NSMCE2: variants seen among roughly 807,000 people sequenced by gnomAD.
NSMCE2 encodes the protein E3 SUMO-protein ligase NSE2.
In NSMCE2, 24 loss-of-function variants were observed where a neutral mutation model predicts 23.8. The observed-to-expected ratio is 1.01, with a 90% CI of 0.73 to 1.42. The LOEUF (loss-of-function observed/expected upper bound fraction) is 1.42. Ranked by LOEUF, NSMCE2 falls within the 40% of genes most tolerant of loss-of-function variation. The probability of loss-of-function intolerance (pLI) is 0.00; values close to 1 mark genes in which losing one functional copy is unlikely to be tolerated. For synonymous variants in NSMCE2, 92 were observed against 94.1 expected, an observed-to-expected ratio of 0.98 and a Z score of 0.13; for missense variants, 284 against 296.5, an observed-to-expected ratio of 0.96 and a Z score of 0.31.
At chr8:125,191,653 G>A (rs915180286) in intron 5 of NSMCE2, among the ~76,000 whole-genome samples, 3 of 152,166 alleles carry the variant, frequency 2.0e-5, no homozygotes, top group Non-Finnish European at 4.4e-5. Flanking sequence ...AGAATACAGT[G>A]CCTAAGAATT....
At chr8:125,122,709 A>G (rs1030861767) in intron 3 of NSMCE2, among the ~76,000 whole-genome samples, 1 of 152,162 alleles carries the variant, frequency 6.6e-6, no homozygotes, top group African/African-American at 2.4e-5. Context: ...ACATTCGTCC[A>G]TCTAAACAGC....
intron 5 of NSMCE2, among the ~76,000 whole-genome samples, chr8:125,231,225 T>G (rs527761885): frequency 6.6e-6 from 1 of 152,174 alleles, no homozygotes; most frequent in Non-Finnish European, 1.5e-5. Flanking sequence ...AGCAGTAGGG[T>G]GACCTAATAC....
chr8:125,218,907 A>G (rs775115164), intron 5 of NSMCE2, among the ~76,000 whole-genome samples: 2 of 152,200 alleles, frequency 1.3e-5, no homozygotes, highest in African/African-American at 2.4e-5. Context: ...TTGGTGATTT[A>G]TCCCCTGTAA....
At chr8:125,152,580 T>G (rs1159134233) in intron 4 of NSMCE2, among the ~76,000 whole-genome samples, 2 of 152,220 alleles carry the variant, frequency 1.3e-5, no homozygotes, top group Non-Finnish European at 2.9e-5. Context: ...GCTTTGACCC[T>G]TACATTATGT....
rs117886682 is a variant in NSMCE2 at position 125,268,271 on chromosome 8, A to G, written c.418+86015A>G. Reference sequence around the variant, plus strand: ...AAAAAAGTATTTTTTGAGAAGGTCAACATTTGGTTAGTGAAATTAGAAAGG... The same window carrying G: ...AAAAAAGTATTTTTTGAGAAGGTCAGCATTTGGTTAGTGAAATTAGAAAGG... On this transcript the variant is annotated intron_variant, in intron 5 of 7. Coordinates refer to ENST00000287437, the MANE Select transcript of NSMCE2 (RefSeq NM_173685.4). Among the ~76,000 whole-genome samples the G allele has an allele frequency of 9.1e-4, 139 of 152,140 alleles. No homozygotes were observed. In the East Asian group the frequency reaches 0.013, roughly 14 times the overall value.
At chr8:125,211,021 C>T (rs1348751477) in intron 5 of NSMCE2, among the ~76,000 whole-genome samples, 1 of 152,164 alleles carries the variant, frequency 6.6e-6, no homozygotes, top group Non-Finnish European at 1.5e-5. Context: ...GTGTGAGCCA[C>T]CATGCCTGGC....
At chr8:125,265,168 TG>T (rs1826859656) in intron 5 of NSMCE2, among the ~76,000 whole-genome samples, 1 of 151,768 alleles carries the variant, frequency 6.6e-6, no homozygotes, top group African/African-American at 2.4e-5. Context: ...AATTTTTTTT[TG>T]GTAGTTCATG....
chr8:125,261,057 C>T (rs1257239596), intron 5 of NSMCE2, among the ~76,000 whole-genome samples: 1 of 152,080 alleles, frequency 6.6e-6, no homozygotes, highest in East Asian at 1.9e-4. Flanking sequence ...AAAGAAGCCT[C>T]GATATTTACA....
At chr8:125,122,402 A>G (rs1221330209) in intron 3 of NSMCE2, among the ~76,000 whole-genome samples, 3 of 152,106 alleles carry the variant, frequency 2.0e-5, no homozygotes, top group Non-Finnish European at 4.4e-5. Context: ...TTCTACAACT[A>G]TTTTAAACCC....
intron 5 of NSMCE2, among the ~76,000 whole-genome samples, chr8:125,241,476 A>G (rs1273551762): frequency 1.3e-5 from 2 of 152,358 alleles, no homozygotes; most frequent in East Asian, 3.9e-4. Context: ...TTCTCCTTAC[A>G]GTTATATCTG....
At chr8:125,102,669 A>G (rs1379365248) in intron 3 of NSMCE2, among the ~76,000 whole-genome samples, 182 bp downstream of exon 3, 3 of 152,164 alleles carry the variant, frequency 2.0e-5, no homozygotes, top group Admixed American at 1.3e-4. Flanking sequence ...TGACTCATTC[A>G]TGTGTGTTCA....
rs34480931 is a variant in NSMCE2 at position 125,333,159 on chromosome 8, CTT to C, written c.419-24050_419-24049del. On this transcript the variant is annotated intron_variant, in intron 5 of 7. Transcript: ENST00000287437. ...ACAGTAGACCTAAGAATCTAGATTT[CTT>C]TTTTTTTTTCTTTTTATCTTTTTTT... Among the ~76,000 whole-genome samples, 5 of 149,230 alleles carry C rather than the reference CTT, an allele frequency of 3.4e-5. No individual in the cohort carries two copies. In the East Asian group the frequency reaches 7.9e-4, roughly 23 times the overall value.
At chr8:125,228,694 G>T (rs2130938264) in intron 5 of NSMCE2, among the ~76,000 whole-genome samples, 1 of 152,312 alleles carries the variant, frequency 6.6e-6, no homozygotes, top group African/African-American at 2.4e-5. Context: ...TGTGTTACAT[G>T]CCATATGGTG....
intron 5 of NSMCE2, among the ~76,000 whole-genome samples, chr8:125,343,780 G>A (rs1398187607): frequency 6.6e-6 from 1 of 152,094 alleles, no homozygotes; most frequent in Non-Finnish European, 1.5e-5. Context: ...CAGATCACAA[G>A]GTCAGGAGAT....
At chr8:125,192,625 A>C (rs1305765210) in intron 5 of NSMCE2, among the ~76,000 whole-genome samples, 1 of 152,244 alleles carries the variant, frequency 6.6e-6, no homozygotes, top group African/African-American at 2.4e-5. Context: ...ATACAATTTT[A>C]CACATTCAAA....
chr8:125,195,674 G>T (rs546718131), intron 5 of NSMCE2, among the ~76,000 whole-genome samples: 2 of 152,136 alleles, frequency 1.3e-5, no homozygotes, highest in South Asian at 4.2e-4. Flanking sequence ...TATGCTCATG[G>T]AGCTTACATT....
chr8:125,150,426 C>CTTTTTTTTTTTTTT lies in NSMCE2; in HGVS notation c.158-733_158-720dup, dbSNP rs71295819. ...TTTTCTTTTTTTCTTTTCTTTCTTT[C>CTTTTTTTTTTTTTT]TTTTTTTTTTTTTTTTTTTTTTTTT... On this transcript the variant is annotated intron_variant, in intron 3 of 7. Coordinates refer to ENST00000287437, the MANE Select transcript of NSMCE2 (RefSeq NM_173685.4). Among the ~76,000 whole-genome samples, 125 of 61,884 alleles carry CTTTTTTTTTTTTTT rather than the reference C, an allele frequency of 2.0e-3. 2 individuals carry two copies. Among genetic ancestry groups the CTTTTTTTTTTTTTT allele is most frequent in the East Asian group, 2.8e-3 (6 of 2,112 alleles). 40.6% of individuals were successfully genotyped at this position (61,884 alleles called of 152,430 possible).
chr8:125,333,852 C>T (rs1404291456), intron 5 of NSMCE2, among the ~76,000 whole-genome samples: 3 of 152,084 alleles, frequency 2.0e-5, no homozygotes, highest in East Asian at 1.9e-4. Flanking sequence ...GGAACCACTG[C>T]GAGGCCATTT....
chr8:125,225,164 A>G (rs188314593), intron 5 of NSMCE2, among the ~76,000 whole-genome samples: 9 of 152,308 alleles, frequency 5.9e-5, no homozygotes, highest in African/African-American at 1.9e-4. Context: ...TGAGAACTTA[A>G]TGTTTTTACA....
Sources: gnomAD v4.1 joint callset for allele counts (sites outside exome capture counted in the v4.1 genomes callset) on GRCh38, gnomAD v4.1.1 for gene constraint, MANE v1.5 for transcripts, NCBI Gene and HGNC (gene_info 2026-07-23, HGNC 2026-07-21) for gene names.